FAM227B: variants seen among roughly 807,000 people sequenced by gnomAD.
FAM227B encodes protein FAM227B.
FAM227B carries 88 observed loss-of-function variants against 73.8 expected under a neutral mutation model. That is an observed-to-expected ratio of 1.19 (90% CI 1.00 to 1.42). FAM227B has a LOEUF of 1.42. FAM227B is among the 40% of genes most tolerant of loss of function. The probability of loss-of-function intolerance (pLI) is 0.00; values close to 1 mark genes in which losing one functional copy is unlikely to be tolerated. For synonymous variants in FAM227B, 210 were observed against 190.5 expected (o/e 1.10, Z -0.84); for missense variants, 632 against 590.9 (o/e 1.07, Z -0.72).
At chr15:49,349,557 T>G (rs940920234) in intron 13 of FAM227B, among the ~76,000 whole-genome samples, 5 of 152,212 alleles carry the variant, frequency 3.3e-5, no homozygotes, top group African/African-American at 1.2e-4. Flanking sequence ...AATCTGAAAT[T>G]GGTTCCTTTA....
intron 12 of FAM227B, among the ~76,000 whole-genome samples, chr15:49,369,302 C>A (rs1166680447): frequency 2.0e-5 from 3 of 152,116 alleles, no homozygotes; most frequent in Non-Finnish European, 2.9e-5. Context: ...TGACCAAAAA[C>A]CTCTTGCTAG....
intron 5 of FAM227B, among the ~76,000 whole-genome samples, chr15:49,584,392 A>C (rs993018230): frequency 2.4e-4 from 37 of 152,190 alleles, no homozygotes; most frequent in African/African-American, 8.4e-4. Flanking sequence ...ACTATGACAA[A>C]CTTACAGCCA....
intron 9 of FAM227B, among the ~76,000 whole-genome samples, chr15:49,543,824 T>C (rs1020028796): frequency 6.6e-6 from 1 of 152,222 alleles, no homozygotes; most frequent in Non-Finnish European, 1.5e-5. Context: ...TTTGGCTTTA[T>C]TTCAGTGTTT....
intron 11 of FAM227B, among the ~76,000 whole-genome samples, chr15:49,459,047 A>T (rs754182624): frequency 6.6e-6 from 1 of 152,212 alleles, no homozygotes; most frequent in Non-Finnish European, 1.5e-5. Context: ...TATAACTAAT[A>T]CTCAACTAAT....
At chr15:49,583,614 T>C (rs1035568361) in intron 5 of FAM227B, among the ~76,000 whole-genome samples, 5 of 151,532 alleles carry the variant, frequency 3.3e-5, no homozygotes, top group African/African-American at 1.2e-4. Context: ...TAGCCATTTT[T>C]TCATTCCTTT....
rs114030288 is a variant in FAM227B, at chr15:49,345,214, C to T, written c.1272-9718G>A. Among the ~76,000 whole-genome samples, 865 of 152,250 alleles carry T rather than the reference C, an allele frequency of 5.7e-3. 9 individuals carry two copies. The highest frequency in any genetic ancestry group is 0.02 in the African/African-American group (823 of 41,542). On this transcript the variant is annotated intron_variant, in intron 13 of 15. Transcript: ENST00000299338. ...TATTATATACTATTGGTATTGAAAT[C>T]AAGAATTATGTTTTATTTCTTATAA...
chr15:49,549,296 T>C (rs576503446), intron 9 of FAM227B, among the ~76,000 whole-genome samples: 1 of 125,106 alleles, frequency 8.0e-6, no homozygotes, highest in Admixed American at 9.0e-5. Flanking sequence ...TTTCAAATTT[T>C]CTTCTCTTAT....
At chr15:49,598,086 A>G (rs1392357106) in intron 3 of FAM227B, among the ~76,000 whole-genome samples, 1 of 152,008 alleles carries the variant, frequency 6.6e-6, no homozygotes, top group Non-Finnish European at 1.5e-5. Context: ...CTATTCCAAA[A>G]GACAGAGAAG....
intron 11 of FAM227B, among the ~76,000 whole-genome samples, chr15:49,429,010 C>A: frequency 6.6e-6 from 1 of 151,576 alleles, no homozygotes; most frequent in East Asian, 2.0e-4. Context: ...TCCTACTTAA[C>A]AATAATGTGT....
chr15:49,335,107 G>A (rs2039473001), intron 14 of FAM227B, among the ~76,000 whole-genome samples: 1 of 152,134 alleles, frequency 6.6e-6, no homozygotes, highest in Non-Finnish European at 1.5e-5. Flanking sequence ...TAGTCTTCCA[G>A]GGCTTATCTT....
chr15:49,409,242 A>C (rs1210315867), intron 11 of FAM227B, among the ~76,000 whole-genome samples: 1 of 152,112 alleles, frequency 6.6e-6, no homozygotes, highest in African/African-American at 2.4e-5. Context: ...ATTCCACTTT[A>C]AGATGCGGCA....
In FAM227B at chr15:49,589,816, GGT is replaced by G. The variant is rs769986142; in HGVS notation, c.295_296del (p.Thr99LeufsTer2). ...KEYSLILQNHTSEIFKWKSMI... is the reference protein window; with the variant it reads ...KEYSLILQNHXSEIFKWKSMI... Reference sequence around the variant, plus strand: ...TGCTTTTCCACTTAAATATTTCAGAGGTGTGGTTTTGCAAAATAAGTGAATAT... The same window carrying G: ...TGCTTTTCCACTTAAATATTTCAGAGGTGGTTTTGCAAAATAAGTGAATAT... On this transcript the variant is annotated frameshift_variant, in exon 4 of 16. Transcript: ENST00000299338. LOFTEE classifies it high-confidence loss of function. 3 of 1,604,510 alleles carry G rather than the reference GGT, an allele frequency of 1.9e-6. No individual in the cohort carries two copies. The highest frequency in any genetic ancestry group is 2.2e-5 in the East Asian group (1 of 44,776).
chr15:49,340,449 A>G (rs1180634807), intron 13 of FAM227B, among the ~76,000 whole-genome samples: 1 of 115,352 alleles, frequency 8.7e-6, no homozygotes, highest in Non-Finnish European at 1.7e-5. Flanking sequence ...CTTGGGCTGC[A>G]CCCACTGTCC....
intron 10 of FAM227B, among the ~76,000 whole-genome samples, chr15:49,530,588 C>A (rs28492008): frequency 0.18 from 27,917 of 151,538 alleles, 3,169 homozygotes; most frequent in Non-Finnish European, 0.25. Context: ...AATTTCTTTG[C>A]CTCTGTTGTA....
intron 13 of FAM227B, among the ~76,000 whole-genome samples, chr15:49,352,095 G>T (rs1245797161): frequency 2.0e-5 from 3 of 152,130 alleles, no homozygotes; most frequent in Non-Finnish European, 2.9e-5. Flanking sequence ...GATACTTGCT[G>T]TGGCTCATCC....
intron 11 of FAM227B, among the ~76,000 whole-genome samples, chr15:49,395,049 A>G (rs2047477795): frequency 6.6e-6 from 1 of 152,208 alleles, no homozygotes; most frequent in African/African-American, 2.4e-5. Context: ...TTTGTCAGTT[A>G]ATCCATGAGA....
At chr15:49,524,564 T>C (rs978833857) in intron 10 of FAM227B, among the ~76,000 whole-genome samples, 15 of 152,188 alleles carry the variant, frequency 9.9e-5, no homozygotes, top group South Asian at 2.1e-4. Context: ...AGAGTCCCTA[T>C]TGGGGCACTG....
chr15:49,608,412 G>C (rs572819399), intron 3 of FAM227B, among the ~76,000 whole-genome samples: 1 of 152,170 alleles, frequency 6.6e-6, no homozygotes, highest in South Asian at 2.1e-4. Context: ...GTGGAGTTTA[G>C]AGAGGAATTT....
At chr15:49,509,978 T>C (rs2152118294) in intron 10 of FAM227B, among the ~76,000 whole-genome samples, 1 of 152,286 alleles carries the variant, frequency 6.6e-6, no homozygotes, top group South Asian at 2.1e-4. Flanking sequence ...ATTTGTTTAA[T>C]TTCCAAAGTC....
Sources: gnomAD v4.1 joint callset for allele counts (sites outside exome capture counted in the v4.1 genomes callset) on GRCh38, gnomAD v4.1.1 for gene constraint, MANE v1.5 for transcripts, NCBI Gene and HGNC (gene_info 2026-07-23, HGNC 2026-07-21) for gene names.